THRB: variants seen among roughly 807,000 people sequenced by gnomAD.
THRB encodes thyroid hormone receptor beta.
THRB carries 12 observed loss-of-function variants against 47.8 expected under a neutral mutation model. The observed-to-expected ratio is 0.25, with a 90% CI of 0.16 to 0.41. The LOEUF is 0.41. Ranked by LOEUF, THRB falls within the 10% of genes least tolerant of loss-of-function variation. The pLI is 1.00. For synonymous variants in THRB, 218 were observed against 212.2 expected (o/e 1.03, Z -0.24); for missense variants, 348 against 589.2 (o/e 0.59, Z 4.24).
intron 1 of THRB, among the ~76,000 whole-genome samples, chr3:24,395,053 C>A (rs759831141): frequency 1.3e-5 from 2 of 152,078 alleles, no homozygotes; most frequent in Admixed American, 6.6e-5. Flanking sequence ...TAAAAACTCA[C>A]TCTAGAATAT....
intron 1 of THRB, among the ~76,000 whole-genome samples, chr3:24,421,660 G>T (rs1242265778): frequency 6.6e-6 from 1 of 151,812 alleles, no homozygotes; most frequent in Non-Finnish European, 1.5e-5. Context: ...CATGCAAAAT[G>T]GACAGAATCT....
Position 24,415,370 on chromosome 3 carries a change from A to T in THRB, c.-260-77999T>A, listed in dbSNP as rs9835931. ...ATCATTTATGAAATGAGATAAGCTA[A>T]TTTGTTAGCTTGCAAACAGGGTAAA... On this transcript the variant is annotated intron_variant, in intron 1 of 10. Coordinates refer to ENST00000646209, the MANE Select transcript of THRB (RefSeq NM_001354712.2). 2.0e-5 allele frequency among the ~76,000 whole-genome samples: 3 copies of T among 151,874 alleles called. No homozygotes were observed. The South Asian group carries it at 6.2e-4, about 31-fold the overall frequency.
chr3:24,231,853 G>A (rs139696132), intron 3 of THRB, among the ~76,000 whole-genome samples: 1 of 152,296 alleles, frequency 6.6e-6, no homozygotes, highest in African/African-American at 2.4e-5. Flanking sequence ...AAGGAGAAAA[G>A]AAAGTCCAAA....
At chr3:24,178,147 C>T (rs2041419170) in intron 5 of THRB, among the ~76,000 whole-genome samples, 1 of 152,122 alleles carries the variant, frequency 6.6e-6, no homozygotes, top group East Asian at 1.9e-4. Flanking sequence ...ATACTTTCTT[C>T]TAACCCAGTA....
At chr3:24,305,535 A>T (rs1427253715) in intron 2 of THRB, among the ~76,000 whole-genome samples, 1 of 152,208 alleles carries the variant, frequency 6.6e-6, no homozygotes. Flanking sequence ...GTGGTAATTG[A>T]TCCAAAACTA....
intron 4 of THRB, among the ~76,000 whole-genome samples, chr3:24,202,956 A>G (rs2044772146): frequency 6.6e-6 from 1 of 152,244 alleles, no homozygotes; most frequent in South Asian, 2.1e-4. Flanking sequence ...AATCTTCCTC[A>G]GGATGGGTCA....
intron 1 of THRB, among the ~76,000 whole-genome samples, chr3:24,448,871 A>G (rs2072360848): frequency 6.6e-6 from 1 of 152,158 alleles, no homozygotes; most frequent in East Asian, 1.9e-4. Flanking sequence ...ACAGGGAAGG[A>G]CTCTATGCCA....
intron 1 of THRB, among the ~76,000 whole-genome samples, chr3:24,455,712 C>T (rs1178585860): frequency 6.6e-6 from 1 of 152,118 alleles, no homozygotes; most frequent in Non-Finnish European, 1.5e-5. Context: ...AGAATTCCGG[C>T]TTCATTCAGT....
In THRB at chr3:24,412,857, G is replaced by A. The variant is rs551002719; in HGVS notation, c.-260-75486C>T. ...GCATTAGCCAATAGATAATTGGTCA[G>A]AGGACACAGAAAATTTTAAAAATGA... On this transcript the variant is annotated intron_variant, in intron 1 of 10. Coordinates refer to ENST00000646209, the MANE Select transcript of THRB (RefSeq NM_001354712.2). Among the ~76,000 whole-genome samples the A allele has an allele frequency of 1.0e-3, 154 of 151,852 alleles. 1 individual carries two copies. Among genetic ancestry groups the A allele is most frequent in the African/African-American group, 3.5e-3 (147 of 41,502 alleles).
At chr3:24,228,809 T>G (rs1281125611) in intron 4 of THRB, 129 bp downstream of exon 4, 1 of 853,132 alleles carries the variant, frequency 1.2e-6, no homozygotes, top group African/African-American at 1.7e-5. Context: ...TCACAGGATT[T>G]AATAACACTT....
At chr3:24,205,900 A>G (rs1243585619) in intron 4 of THRB, among the ~76,000 whole-genome samples, 1 of 152,246 alleles carries the variant, frequency 6.6e-6, no homozygotes, top group Non-Finnish European at 1.5e-5. Context: ...AAAAGAGACA[A>G]AGAAGGCCAT....
chr3:24,387,437 G>C (rs2066212462), intron 1 of THRB, among the ~76,000 whole-genome samples: 1 of 152,100 alleles, frequency 6.6e-6, no homozygotes, highest in Non-Finnish European at 1.5e-5. Flanking sequence ...TGTTCACAAA[G>C]AGTATTATAA....
intron 3 of THRB, among the ~76,000 whole-genome samples, chr3:24,243,464 C>T (rs1365609670): frequency 6.6e-6 from 1 of 152,014 alleles, no homozygotes; most frequent in Non-Finnish European, 1.5e-5. Context: ...TACAAGAGGG[C>T]CTTTTGCGTC....
At chr3:24,193,256 TAA>T (rs1375755454) in intron 4 of THRB, among the ~76,000 whole-genome samples, 1 of 152,180 alleles carries the variant, frequency 6.6e-6, no homozygotes, top group Non-Finnish European at 1.5e-5. Context: ...CCCAAAAGGT[TAA>T]GTCAGTGATT....
intron 1 of THRB, among the ~76,000 whole-genome samples, chr3:24,469,386 G>A (rs1317614337): frequency 6.6e-6 from 1 of 152,112 alleles, no homozygotes; most frequent in Non-Finnish European, 1.5e-5. Context: ...CCCAGGAGCT[G>A]GGAAAACACC....
At chr3:24,413,730 C>A (rs546815195) in intron 1 of THRB, among the ~76,000 whole-genome samples, 1 of 151,698 alleles carries the variant, frequency 6.6e-6, no homozygotes, top group Admixed American at 6.6e-5. Context: ...CCCGACCCCA[C>A]GACAGGCCCC....
intron 1 of THRB, among the ~76,000 whole-genome samples, chr3:24,428,598 A>G (rs2070020289): frequency 6.6e-6 from 1 of 152,066 alleles, no homozygotes; most frequent in South Asian, 2.1e-4. Flanking sequence ...TATCAGGATA[A>G]CATCAATAAA....
intron 1 of THRB, among the ~76,000 whole-genome samples, chr3:24,468,325 G>A (rs1354356009): frequency 6.6e-6 from 1 of 152,140 alleles, no homozygotes; most frequent in Non-Finnish European, 1.5e-5. Flanking sequence ...TCATTCATGT[G>A]TTCATTAGAG....
At chr3:24,473,489 TG>T (rs1694996439) in intron 1 of THRB, among the ~76,000 whole-genome samples, 1 of 152,188 alleles carries the variant, frequency 6.6e-6, no homozygotes, top group Non-Finnish European at 1.5e-5. Flanking sequence ...ACACTGTTGG[TG>T]GGAGTGTAAA....
Sources: allele counts gnomAD v4.1 joint callset (sites outside exome capture counted in the v4.1 genomes callset), GRCh38; gene constraint gnomAD v4.1.1; transcripts MANE v1.5; gene names NCBI Gene and HGNC (gene_info 2026-07-23, HGNC 2026-07-21).